Variants in ZNF654 observed in about 807,000 individuals in gnomAD.
ZNF654 encodes melanoma-associated antigen.
A neutral mutation model predicts 95.3 loss-of-function variants in ZNF654; 19 were observed. The ratio of observed to expected loss-of-function variants is 0.20; its 90% CI spans 0.14 to 0.29. The LOEUF is 0.29. ZNF654 is among the 10% of genes least tolerant of loss of function. The pLI is 1.00. For synonymous variants in ZNF654, 413 were observed against 457.9 expected, an observed-to-expected ratio of 0.90 and a Z score of 1.25; for missense variants, 1,046 against 1,341.0, an observed-to-expected ratio of 0.78 and a Z score of 3.44.
chr3:88,060,173 A>AT (rs1433968563), intron 1 of ZNF654, among the ~76,000 whole-genome samples: 2 of 152,092 alleles, frequency 1.3e-5, no homozygotes, highest in East Asian at 3.9e-4. Flanking sequence ...TTAACTGCTC[A>AT]TAATGAAAGT....
At chr3:88,115,587 T>C (rs1705341884) in intron 3 of ZNF654, among the ~76,000 whole-genome samples, 1 of 152,244 alleles carries the variant, frequency 6.6e-6, no homozygotes, top group East Asian at 1.9e-4. Flanking sequence ...TTAGATTTAT[T>C]ATTTTCTTCC....
At chr3:88,090,668 C>T (rs1197672689) in intron 2 of ZNF654, among the ~76,000 whole-genome samples, 1 of 152,130 alleles carries the variant, frequency 6.6e-6, no homozygotes, top group African/African-American at 2.4e-5. Flanking sequence ...ATTCACCATT[C>T]ACTCACTGAC....
At chr3:88,060,959 G>C (rs936065395) in intron 1 of ZNF654, among the ~76,000 whole-genome samples, 6 of 152,080 alleles carry the variant, frequency 3.9e-5, no homozygotes, top group Non-Finnish European at 7.4e-5. Context: ...GGTTTGAAGA[G>C]TATGTCAGTT....
chr3:88,128,214 T>C (rs1034745938), intron 4 of ZNF654, among the ~76,000 whole-genome samples: 3 of 152,246 alleles, frequency 2.0e-5, no homozygotes, highest in Non-Finnish European at 2.9e-5. Flanking sequence ...TTTAAAATTG[T>C]GTAAAGTATT....
Position 88,140,710 on chromosome 3 carries a change from T to C in ZNF654, c.3041T>C (p.Val1014Ala), listed in dbSNP as rs1193142519. 1.3e-5 allele frequency: 21 copies of C among 1,613,640 alleles called. No individual in the cohort carries two copies. The highest frequency in any genetic ancestry group is 1.8e-5 in the Non-Finnish European group (21 of 1,179,748). Reference sequence around the variant, plus strand: ...AATGGTTCCATTTTGCCCAGTGTTGTACCACAAGAACACAACACCTTGCCA... The same window carrying C: ...AATGGTTCCATTTTGCCCAGTGTTGCACCACAAGAACACAACACCTTGCCA... ...TENGSILPSV[V>A]PQEHNTLPVS... The change falls in exon 8 of 9, where the codon GTA (valine) becomes GCA (alanine). Residue 1014 changes from valine to alanine, a missense_variant. Physicochemically the swap from Val to Ala is moderately conservative, Grantham distance 64. Around this residue, in one of 9 missense-constraint regions of ZNF654, gnomAD observed 495 missense variants for 537.0 expected, o/e 0.92. Transcript: ENST00000636215.
At position 88,063,752 on chromosome 3, in the gene ZNF654, A is replaced by C. The variant is rs73844848; in HGVS notation, c.186+4247A>C. Among the ~76,000 whole-genome samples, 1,276 of 152,296 alleles carry C rather than the reference A, an allele frequency of 8.4e-3. 13 individuals carry two copies. Among genetic ancestry groups the C allele is most frequent in the African/African-American group, 0.028 (1,143 of 41,548 alleles). ...ACAAGGTGGGCATTTATTATGTAAA[A>C]AAATCTTGAATAGATAGTGTAGGGA... is the stretch of plus-strand genomic sequence containing the variant. On this transcript the variant is annotated intron_variant, in intron 1 of 8. Transcript: ENST00000636215.
intron 1 of ZNF654, among the ~76,000 whole-genome samples, chr3:88,077,056 C>T (rs1559694194): frequency 6.6e-6 from 1 of 152,128 alleles, no homozygotes; most frequent in Admixed American, 6.5e-5. Context: ...CATCCTCTCA[C>T]TGGTATTTTT....
chr3:88,120,410 C>T (rs902390999), intron 3 of ZNF654, among the ~76,000 whole-genome samples: 3 of 152,162 alleles, frequency 2.0e-5, no homozygotes, highest in Non-Finnish European at 4.4e-5. Flanking sequence ...CTTCTAAAGA[C>T]TGCCTTATTA....
In ZNF654 at chr3:88,143,225, A is replaced by T. The variant is rs1217135899; in HGVS notation, c.*1573A>T. 6.6e-6 allele frequency: 1 copy of T among 151,502 alleles called. No homozygotes were observed. Among genetic ancestry groups the T allele is most frequent in the Non-Finnish European group, 1.5e-5 (1 of 67,494 alleles). The allele number at this position is 151,502 out of a possible 1,614,324, so 9.4% of individuals were successfully genotyped here. Reference sequence around the variant, plus strand: ...TTTCCAGATCATGATAGATCAGATGATTTTTTTTTAATTTCCCGGTTTTAT... The same window carrying T: ...TTTCCAGATCATGATAGATCAGATGTTTTTTTTTTAATTTCCCGGTTTTAT... On this transcript the variant is annotated 3_prime_UTR_variant, in exon 9 of 9. Transcript: ENST00000636215.
intron 2 of ZNF654, among the ~76,000 whole-genome samples, chr3:88,104,769 G>A (rs1704632096): frequency 2.0e-5 from 3 of 152,142 alleles, no homozygotes; most frequent in Admixed American, 2.0e-4. Context: ...GGAAGAAGAG[G>A]TCAAACAGAA....
chr3:88,105,458 C>A (rs982418807), intron 2 of ZNF654, among the ~76,000 whole-genome samples: 3 of 152,156 alleles, frequency 2.0e-5, no homozygotes, highest in Admixed American at 6.5e-5. Context: ...TGTTTCCATT[C>A]TTTTCCTGTT....
chr3:88,128,581 A>C (rs1414439235), intron 4 of ZNF654, among the ~76,000 whole-genome samples: 2 of 152,124 alleles, frequency 1.3e-5, no homozygotes, highest in Non-Finnish European at 2.9e-5. Flanking sequence ...TACTTTTTAG[A>C]CTAAGAAATC....
At chr3:88,070,825 C>T (rs1707470497) in intron 1 of ZNF654, among the ~76,000 whole-genome samples, 2 of 152,078 alleles carry the variant, frequency 1.3e-5, no homozygotes. Flanking sequence ...AGCTGAGACT[C>T]AGAGAGATTA....
At chr3:88,117,644 A>G (rs1705491009) in intron 3 of ZNF654, among the ~76,000 whole-genome samples, 2 of 152,218 alleles carry the variant, frequency 1.3e-5, no homozygotes, top group South Asian at 2.1e-4. Flanking sequence ...TATGGTTATC[A>G]TGAAGAATCC....
In ZNF654 at chr3:88,138,698, T is replaced by C. The variant is rs1459106296; in HGVS notation, c.1036-7T>C. On this transcript the variant is annotated splice_polypyrimidine_tract_variant and splice_region_variant and intron_variant, in intron 7 of 8. Transcript: ENST00000636215. ...AGTATTTAGCACTAATATTTTTCTT[T>C]TTACAGGTTGAAGAAGAAGGCTTGC... 1 of 1,231,186 alleles carries C rather than the reference T, an allele frequency of 8.1e-7. No homozygotes were observed. The highest frequency in any genetic ancestry group is 1.0e-6 in the Non-Finnish European group (1 of 987,224). The allele number at this position is 1,231,186 out of a possible 1,614,324, so 76.3% of individuals were successfully genotyped here. A position where few individuals can be genotyped will look rare whatever the true frequency, so the allele number is the denominator to read the frequency against.
chr3:88,080,112 T>G (rs1708005296), intron 1 of ZNF654, among the ~76,000 whole-genome samples: 1 of 152,116 alleles, frequency 6.6e-6, no homozygotes, highest in Non-Finnish European at 1.5e-5. Flanking sequence ...TGTTCAGGCA[T>G]GTAGCATTTT....
At chr3:88,138,010 A>G (rs1166982889) in intron 7 of ZNF654, among the ~76,000 whole-genome samples, 4 of 152,180 alleles carry the variant, frequency 2.6e-5, no homozygotes, top group Admixed American at 6.5e-5. Flanking sequence ...TGGGTCGACA[A>G]TAGATTCCCA....
At chr3:88,114,447 G>A (rs750905720) in intron 3 of ZNF654, among the ~76,000 whole-genome samples, 2 of 152,092 alleles carry the variant, frequency 1.3e-5, no homozygotes, top group Non-Finnish European at 2.9e-5. Context: ...TGTAAGCAGG[G>A]TGCCCATTCA....
intron 2 of ZNF654, among the ~76,000 whole-genome samples, chr3:88,093,304 A>G (rs1703858939): frequency 6.6e-6 from 1 of 152,224 alleles, no homozygotes; most frequent in South Asian, 2.1e-4. Context: ...GGCAGAAAAT[A>G]TAGACTTTAT....
Sources: allele counts gnomAD v4.1 joint callset (sites outside exome capture counted in the v4.1 genomes callset), GRCh38; gene constraint gnomAD v4.1.1; regional missense constraint gnomAD v4.1.1; transcripts MANE v1.5; gene names NCBI Gene and HGNC (gene_info 2026-07-23, HGNC 2026-07-21).